Variants in CFAP97D2 observed in about 807,000 individuals in gnomAD.
The protein encoded by CFAP97D2 is CFAP97 domain containing 2.
At chr13:114,222,549 G>A (rs2081026021), downstream of CFAP97D2, 1 of 397,334 alleles carries the variant, frequency 2.5e-6, no homozygotes, top group Non-Finnish European at 4.4e-6. This position sits in a 1 kb window ranked among gnomAD's most constrained non-coding sequence, Gnocchi z 4.4. Flanking sequence ...GACCCTAAAA[G>A]AGAAGTGAGG....
At chr13:114,184,270 T>C (rs1427325326) in intron 1 of CFAP97D2, among the ~76,000 whole-genome samples, 1 of 152,170 alleles carries the variant, frequency 6.6e-6, no homozygotes, top group Non-Finnish European at 1.5e-5. Context: ...GTAACTTACT[T>C]GTAATGAGAA....
intron 4 of CFAP97D2, among the ~76,000 whole-genome samples, chr13:114,215,339 TC>T (rs1267983282): frequency 6.6e-6 from 1 of 152,244 alleles, no homozygotes; most frequent in African/African-American, 2.4e-5. Context: ...TTACCTTTTT[TC>T]TATTATCAAT....
rs1195327843 is a variant in CFAP97D2 at position 114,211,535 on chromosome 13, G to T, written c.291-377G>T. ...CGCCTGGGACCCTGCTCTCCGCCATGGGTGCCCGGGTGCTCGCCCTCCCTG... is the reference window on the plus strand; with the variant it reads ...CGCCTGGGACCCTGCTCTCCGCCATTGGTGCCCGGGTGCTCGCCCTCCCTG... On this transcript the variant is annotated intron_variant, in intron 3 of 4. Coordinates refer to ENST00000646158, the Ensembl canonical transcript of CFAP97D2. This position sits in a 1 kb window ranked among gnomAD's most constrained non-coding sequence, Gnocchi z 4.2. Among the ~76,000 whole-genome samples, 2 of 151,726 alleles carry T rather than the reference G, an allele frequency of 1.3e-5. No individual in the cohort carries two copies. Among genetic ancestry groups the T allele is most frequent in the Non-Finnish European group, 2.9e-5 (2 of 67,994 alleles).
At position 114,207,184 on chromosome 13, in the gene CFAP97D2, T is replaced by G. The variant is rs116869938; in HGVS notation, c.291-4728T>G. ...CCCTGCCGCTGCAAGGGCAGCACCATGCAGGGCACACAGAAAGTCCTCAGG... is the reference window on the plus strand; with the variant it reads ...CCCTGCCGCTGCAAGGGCAGCACCAGGCAGGGCACACAGAAAGTCCTCAGG... On this transcript the variant is annotated intron_variant, in intron 3 of 4. Transcript: ENST00000646158. This position sits in a 1 kb window ranked among gnomAD's most constrained non-coding sequence, Gnocchi z 4.9. Among the ~76,000 whole-genome samples, 4 of 152,188 alleles carry G rather than the reference T, an allele frequency of 2.6e-5. No individual in the cohort carries two copies. The highest frequency in any genetic ancestry group is 9.6e-5 in the African/African-American group (4 of 41,456).
intron 3 of CFAP97D2, among the ~76,000 whole-genome samples, chr13:114,208,184 G>C (rs1450322793): frequency 6.6e-6 from 1 of 152,202 alleles, no homozygotes; most frequent in Non-Finnish European, 1.5e-5. Context: ...TGCCTTTCTT[G>C]TAGGCTTGTC....
At chr13:114,196,116 C>A (rs1055772184) in intron 1 of CFAP97D2, among the ~76,000 whole-genome samples, 1 of 149,380 alleles carries the variant, frequency 6.7e-6, no homozygotes, top group Non-Finnish European at 1.5e-5. Flanking sequence ...CAATAGAGTG[C>A]AGACTAGAAA....
chr13:114,211,987 C>A lies in CFAP97D2; in HGVS notation c.366C>A (p.His122Gln), dbSNP rs1230858536. The A allele has an allele frequency of 7.5e-6, 3 of 398,688 alleles. No individual in the cohort carries two copies. Among genetic ancestry groups the A allele is most frequent in the African/African-American group, 6.2e-5 (3 of 48,638 alleles). The allele number at this position is 398,688 out of a possible 1,614,324, so 24.7% of individuals were successfully genotyped here. The change falls in exon 4 of 5, where the codon CAC (histidine) becomes CAA (glutamine). Residue 122 changes from histidine (H) to glutamine (Q), a missense_variant. His to Gln is a conservative substitution (Grantham distance 24). Transcript: ENST00000646158. The surrounding 1 kb of genome is among the most constrained non-coding windows in gnomAD (Gnocchi z 4.2). ...CACGGCCATTCTGGAAGGAATCACA[C>A]ACTCAGAACCATGGTATGGAGCTCA...
chr13:114,192,115 G>C (rs186336702), intron 1 of CFAP97D2, among the ~76,000 whole-genome samples: 1 of 152,086 alleles, frequency 6.6e-6, no homozygotes, highest in African/African-American at 2.4e-5. Flanking sequence ...GATTTTTAGG[G>C]CCATGAAAAT....
intron 1 of CFAP97D2, among the ~76,000 whole-genome samples, chr13:114,193,666 G>T (rs184393134): frequency 6.6e-6 from 1 of 152,324 alleles, no homozygotes; most frequent in East Asian, 1.9e-4. Flanking sequence ...AAATTTTGGA[G>T]AATATATTTA....
chr13:114,206,659 G>T (rs1373075601), intron 3 of CFAP97D2, among the ~76,000 whole-genome samples: 2 of 152,210 alleles, frequency 1.3e-5, no homozygotes, highest in African/African-American at 2.4e-5. Context: ...TAAGGCAAGG[G>T]TATGGAGGGG....
chr13:114,205,478 T>C (rs139842420), intron 3 of CFAP97D2, among the ~76,000 whole-genome samples: 2 of 152,250 alleles, frequency 1.3e-5, no homozygotes, highest in Non-Finnish European at 2.9e-5. Context: ...ATTTTCTATA[T>C]GCAAGATCAT....
chr13:114,205,324 T>C (rs999416847), intron 3 of CFAP97D2, among the ~76,000 whole-genome samples: 10 of 152,126 alleles, frequency 6.6e-5, no homozygotes, highest in Middle Eastern at 3.2e-3. Flanking sequence ...TATAACCAAT[T>C]TCACTCCCAA....
intron 3 of CFAP97D2, among the ~76,000 whole-genome samples, chr13:114,209,046 G>A (rs1472066371): frequency 6.6e-6 from 1 of 152,136 alleles, no homozygotes; most frequent in Non-Finnish European, 1.5e-5. Flanking sequence ...GAAAATTTAG[G>A]GAGGAAGGAA....
chr13:114,221,963 G>A (rs1175995773), intron 4 of CFAP97D2, among the ~76,000 whole-genome samples: 1 of 152,126 alleles, frequency 6.6e-6, no homozygotes, highest in Non-Finnish European at 1.5e-5. Flanking sequence ...CAACCCAAAT[G>A]TCTATCAACT....
rs187979168 is a variant in CFAP97D2 at position 114,182,095 on chromosome 13, T to G, written c.90+2675T>G. On this transcript the variant is annotated intron_variant, in intron 1 of 4. Coordinates refer to ENST00000646158, the Ensembl canonical transcript of CFAP97D2. Reference sequence around the variant, plus strand: ...TCTGAGTTCCCTCAGTTTTTATTGATTATTATTTTCATTATTTCAGCAAAA... The same window carrying G: ...TCTGAGTTCCCTCAGTTTTTATTGAGTATTATTTTCATTATTTCAGCAAAA... Among the ~76,000 whole-genome samples the G allele has an allele frequency of 9.9e-4, 151 of 151,836 alleles. 1 individual carries two copies. Among genetic ancestry groups the G allele is most frequent in the Admixed American group, 2.7e-3 (41 of 15,262 alleles).
chr13:114,179,838 TA>T lies in CFAP97D2; in HGVS notation c.90+419del, dbSNP rs1156797149. On this transcript the variant is annotated intron_variant, in intron 1 of 4. Transcript: ENST00000646158. The surrounding 1 kb of genome is among the most constrained non-coding windows in gnomAD (Gnocchi z 4.8). Reference sequence around the variant, plus strand: ...TTTGTTTTTGAGAGGGATGTTGCCATAGGGGTGTTGCCATGTTGGTCAGGCT... The same window carrying T: ...TTTGTTTTTGAGAGGGATGTTGCCATGGGGTGTTGCCATGTTGGTCAGGCT... Among the ~76,000 whole-genome samples, 1 of 152,176 alleles carries T rather than the reference TA, an allele frequency of 6.6e-6. No individual in the cohort carries two copies. Among genetic ancestry groups the T allele is most frequent in the Non-Finnish European group, 1.5e-5 (1 of 68,028 alleles).
rs531616246 is a variant in CFAP97D2, at chr13:114,179,538, G to C, written c.90+118G>C. ...GTGATTTTCTTTTTGGAGACAGCAT[G>C]GTTGAAATGACATTTCCTAACAAGA... On this transcript the variant is annotated intron_variant, in intron 1 of 4. Transcript: ENST00000646158. The surrounding 1 kb of genome is among the most constrained non-coding windows in gnomAD (Gnocchi z 4.8). The C allele has an allele frequency of 5.1e-6, 2 of 395,736 alleles. No individual in the cohort carries two copies. The highest frequency in any genetic ancestry group is 4.1e-5 in the African/African-American group (2 of 48,664). The allele number at this position is 395,736 out of a possible 1,614,324, so 24.5% of individuals were successfully genotyped here. A position where few individuals can be genotyped will look rare whatever the true frequency, so the allele number is the denominator to read the frequency against.
At chr13:114,213,946 C>T (rs1174500182) in intron 4 of CFAP97D2, among the ~76,000 whole-genome samples, 1 of 150,248 alleles carries the variant, frequency 6.7e-6, no homozygotes, top group Non-Finnish European at 1.5e-5. Context: ...AGACCCCCAC[C>T]CCTATGGAAG....
chr13:114,181,846 C>G (rs1168016816), intron 1 of CFAP97D2, among the ~76,000 whole-genome samples: 2 of 152,146 alleles, frequency 1.3e-5, no homozygotes, highest in East Asian at 1.9e-4. Context: ...CCCCTCAGAG[C>G]CTGAGTGGCC....
Sources: gnomAD v4.1 joint callset for allele counts (sites outside exome capture counted in the v4.1 genomes callset) on GRCh38, gnomAD v4.1.1 for gene constraint, Gnocchi (gnomAD v3.1) non-coding constraint, MANE v1.5 for transcripts, NCBI Gene and HGNC (gene_info 2026-07-23, HGNC 2026-07-21) for gene names.